Variants in NCKAP5 observed in about 807,000 individuals in gnomAD.
The protein encoded by NCKAP5 is NCK associated protein 5.
NCKAP5 carries 92 observed loss-of-function variants against 167.0 expected under a neutral mutation model. That is an observed-to-expected ratio of 0.55 (90% CI 0.47 to 0.66). NCKAP5 has a LOEUF of 0.66. Among genes scored for constraint, NCKAP5 ranks in the 30% least tolerant of loss-of-function variants. The pLI, the probability that NCKAP5 is intolerant of heterozygous loss-of-function variation, is 0.00. For synonymous variants in NCKAP5, 891 were observed against 877.4 expected (o/e 1.02, Z -0.27); for missense variants, 2,378 against 2,315.0 (o/e 1.03, Z -0.56).
intron 19 of NCKAP5, among the ~76,000 whole-genome samples, chr2:132,701,168 C>T: frequency 6.6e-6 from 1 of 151,940 alleles, no homozygotes; most frequent in Non-Finnish European, 1.5e-5. Flanking sequence ...AACCAGGCAG[C>T]CTATATTTTT....
At chr2:133,455,915 C>T (rs181465615) in intron 3 of NCKAP5, among the ~76,000 whole-genome samples, 4 of 152,174 alleles carry the variant, frequency 2.6e-5, no homozygotes, top group African/African-American at 7.2e-5. Context: ...TAGGCAAAAA[C>T]GCACTGTAAC....
chr2:133,467,385 T>C (rs181610756), intron 3 of NCKAP5, among the ~76,000 whole-genome samples: 1 of 152,338 alleles, frequency 6.6e-6, no homozygotes, highest in African/African-American at 2.4e-5. Flanking sequence ...GGATAAGCTT[T>C]TTGATGTGCA....
chr2:132,887,654 C>T (rs1001965438), intron 8 of NCKAP5, among the ~76,000 whole-genome samples: 23 of 152,004 alleles, frequency 1.5e-4, no homozygotes, highest in African/African-American at 5.3e-4. Context: ...CTTTACACTC[C>T]CATTGGCCAA....
rs200584790 is a variant in NCKAP5 at position 133,202,734 on chromosome 2, T to A, written c.207+10982A>T. On this transcript the variant is annotated intron_variant, in intron 5 of 19. Coordinates refer to ENST00000409261, the MANE Select transcript of NCKAP5 (RefSeq NM_207363.3). The stretch of plus-strand genomic sequence containing the variant: ...CCCATCAAAAAGTGAGCAAAGGAGA[T>A]CAACAAACACTTCTCAAAAGAAGAC... Among the ~76,000 whole-genome samples, 28 of 152,028 alleles carry A rather than the reference T, an allele frequency of 1.8e-4. No individual in the cohort carries two copies. In the East Asian group the frequency reaches 5.4e-3, roughly 29 times the overall value.
chr2:133,285,697 A>T (rs1435188809), intron 4 of NCKAP5, among the ~76,000 whole-genome samples: 1 of 152,202 alleles, frequency 6.6e-6, no homozygotes, highest in African/African-American at 2.4e-5. Flanking sequence ...ATCTTAACGT[A>T]TACCACGGTA....
At chr2:133,408,802 C>T (rs1332918781) in intron 3 of NCKAP5, among the ~76,000 whole-genome samples, 2 of 152,174 alleles carry the variant, frequency 1.3e-5, no homozygotes, top group East Asian at 3.9e-4. Flanking sequence ...GCCCTGCCTC[C>T]ACCTTGAGAA....
At chr2:133,096,180 CA>C (rs1418400443) in intron 6 of NCKAP5, among the ~76,000 whole-genome samples, 1 of 152,208 alleles carries the variant, frequency 6.6e-6, no homozygotes, top group South Asian at 2.1e-4. Context: ...GCAGTGTTGG[CA>C]AACCTGATAT....
At chr2:133,478,004 G>A (rs1680085269) in intron 3 of NCKAP5, among the ~76,000 whole-genome samples, 1 of 152,208 alleles carries the variant, frequency 6.6e-6, no homozygotes, top group Non-Finnish European at 1.5e-5. Flanking sequence ...GGGGACTGCT[G>A]TGCTGAGATT....
At chr2:132,690,778 G>C (rs139633443) in intron 19 of NCKAP5, among the ~76,000 whole-genome samples, 120 of 152,178 alleles carry the variant, frequency 7.9e-4, no homozygotes, top group African/African-American at 2.5e-3. Flanking sequence ...AGTAAGAGGA[G>C]GGGGGGAAAC....
rs761819554 is a variant in NCKAP5 at position 133,213,728 on chromosome 2, A to G, written c.195T>C (p.Ser65=). The change falls in exon 5 of 20, where the codon AGT becomes AGC. Residue 65 remains serine, a synonymous_variant. Transcript: ENST00000409261. ...AGTCAGGACTTACCATGGCCCCCTC[A>G]CTTGTTCTTTGGGCAACTTCTCGCT... ...RLQREVAQRT[S]EGAMHEKLIH... The G allele has an allele frequency of 1.2e-6, 2 of 1,613,692 alleles. No homozygotes were observed. The highest frequency in any genetic ancestry group is 1.7e-6 in the Non-Finnish European group (2 of 1,179,762).
chr2:133,515,224 A>G (rs1683881653), intron 3 of NCKAP5, among the ~76,000 whole-genome samples: 1 of 152,208 alleles, frequency 6.6e-6, no homozygotes, highest in African/African-American at 2.4e-5. Flanking sequence ...GAATCAACTC[A>G]AAAAGAATAC....
intron 5 of NCKAP5, among the ~76,000 whole-genome samples, chr2:133,170,039 T>C (rs953464939): frequency 6.6e-6 from 1 of 152,210 alleles, no homozygotes; most frequent in Non-Finnish European, 1.5e-5. Context: ...TTACCTTGGA[T>C]GATGTTTTAA....
intron 2 of NCKAP5, among the ~76,000 whole-genome samples, chr2:133,519,723 T>A (rs1291678971): frequency 6.6e-6 from 1 of 152,224 alleles, no homozygotes; most frequent in Non-Finnish European, 1.5e-5. Context: ...CTAGGAATAC[T>A]GTATGGAAAA....
At chr2:133,010,070 C>CA (rs1252875422) in intron 6 of NCKAP5, among the ~76,000 whole-genome samples, 2,584 of 114,310 alleles carry the variant, frequency 0.023, 33 homozygotes, top group Non-Finnish European at 0.026. Context: ...GATTCTGTCT[C>CA]AAAAAAAAAA....
intron 8 of NCKAP5, among the ~76,000 whole-genome samples, chr2:132,902,170 G>T (rs1266972899): frequency 6.6e-6 from 1 of 152,152 alleles, no homozygotes; most frequent in Non-Finnish European, 1.5e-5. Context: ...GTCTGTACTG[G>T]AATGAAGTAT....
intron 3 of NCKAP5, among the ~76,000 whole-genome samples, chr2:133,357,182 A>C (rs541816269): frequency 6.8e-4 from 104 of 152,146 alleles, no homozygotes; most frequent in African/African-American, 2.5e-3. Context: ...ATAATAAATT[A>C]ATGCATGCTT....
At chr2:133,586,751 T>TCACA in the NCKAP5 span, among the ~76,000 whole-genome samples, 11,232 of 140,864 alleles carry the variant, frequency 0.08, 442 homozygotes, top group Non-Finnish European at 0.095. Flanking sequence ...GACAGCAATA[T>TCACA]CACACACACA....
the NCKAP5 span, among the ~76,000 whole-genome samples, chr2:133,609,295 C>T: frequency 1.6e-3 from 236 of 152,234 alleles, 2 homozygotes; most frequent in African/African-American, 5.4e-3. Context: ...CATATCTCCA[C>T]GCTAGTATAG....
chr2:133,489,710 C>A (rs1270255159), intron 3 of NCKAP5, among the ~76,000 whole-genome samples: 3 of 152,166 alleles, frequency 2.0e-5, no homozygotes, highest in Admixed American at 2.0e-4. Context: ...CATGAGAGTT[C>A]TGTTTGTTTG....
Sources: allele counts gnomAD v4.1 joint callset (sites outside exome capture counted in the v4.1 genomes callset), GRCh38; gene constraint gnomAD v4.1.1; transcripts MANE v1.5; gene names NCBI Gene and HGNC (gene_info 2026-07-23, HGNC 2026-07-21).